The following IGF2BP1 variants were observed in gnomAD, a reference collection of about 807,000 sequenced individuals.
The protein encoded by IGF2BP1 is insulin-like growth factor 2 mRNA-binding protein 1.
IGF2BP1 carries 11 observed loss-of-function variants against 74.9 expected under a neutral mutation model. The observed-to-expected ratio is 0.15, with a 90% confidence interval of 0.09 to 0.24. The LOEUF is 0.24. Among genes scored for constraint, IGF2BP1 ranks in the 10% least tolerant of loss-of-function variants. IGF2BP1 has a pLI of 1.00. For synonymous variants in IGF2BP1, 287 were observed against 281.8 expected (o/e 1.02, Z -0.18); for missense variants, 440 against 757.4 (o/e 0.58, Z 4.92).
At chr17:49,013,040 G>A (rs2041640470) in intron 2 of IGF2BP1, 1 of 152,232 alleles carries the variant, frequency 6.6e-6, no homozygotes, top group African/African-American at 2.4e-5. Flanking sequence ...CAGAACGGAA[G>A]TAGCAATATT....
intron 10 of IGF2BP1, 44 bp downstream of exon 10, chr17:49,043,594 T>C: frequency 6.2e-7 from 1 of 1,606,902 alleles, no homozygotes; most frequent in Non-Finnish European, 8.5e-7. Flanking sequence ...GGCCCATATG[T>C]GGCCTCCCTT....
chr17:49,038,144 T>A, intron 5 of IGF2BP1, 24 bp from the exon 6 acceptor site: 1 of 1,470,950 alleles, frequency 6.8e-7, no homozygotes, highest in Non-Finnish European at 9.0e-7. Flanking sequence ...TGGAATGACC[T>A]GTAGACTCTC....
intron 2 of IGF2BP1, chr17:49,012,355 C>A (rs12939375): frequency 0.043 from 6,512 of 152,134 alleles, 162 homozygotes; most frequent in South Asian, 0.11. Context: ...TTAGAACTTA[C>A]GTGTCAGCCT....
Position 49,054,351 on chromosome 17 carries a change from A to C in IGF2BP1, c.*4907A>C, listed in dbSNP as rs1429697397. ...TTAACCGCAGGTGATGGATGCTACG[A>C]GTATAAATGGATTAACTACCTCAAT... On this transcript the variant is annotated 3_prime_UTR_variant, in exon 15 of 15. Transcript: ENST00000290341. 6.5e-6 allele frequency: 1 copy of C among 152,694 alleles called. No homozygotes were observed. The highest frequency in any genetic ancestry group is 2.4e-5 in the African/African-American group (1 of 41,468). 9.5% of individuals were successfully genotyped at this position (152,694 alleles called of 1,614,324 possible). A position where few individuals can be genotyped will look rare whatever the true frequency, so the allele number is the denominator to read the frequency against.
At chr17:49,022,838 C>A (rs2041809400) in intron 2 of IGF2BP1, among the ~76,000 whole-genome samples, 1 of 152,346 alleles carries the variant, frequency 6.6e-6, no homozygotes. Flanking sequence ...GAGCACACTT[C>A]AAACTGGGCC....
At chr17:49,005,060 A>AG (rs996424980) in intron 2 of IGF2BP1, among the ~76,000 whole-genome samples, 3 of 152,180 alleles carry the variant, frequency 2.0e-5, no homozygotes, top group Admixed American at 6.5e-5. Flanking sequence ...ACTGGATAGA[A>AG]GGGGGGTCAT....
rs778668553 is a variant in IGF2BP1, at chr17:49,053,301, G to A, written c.*3857G>A. The A allele has an allele frequency of 6.6e-6, 1 of 152,642 alleles. No individual in the cohort carries two copies. Among genetic ancestry groups the A allele is most frequent in the Non-Finnish European group, 1.5e-5 (1 of 68,072 alleles). 9.5% of individuals were successfully genotyped at this position (152,642 alleles called of 1,614,324 possible). Reference sequence around the variant, plus strand: ...TGCCAAAGACAGACAGACAGAGGCTGAGAGAGGCTGTTCCTGAATCAAAGC... The same window carrying A: ...TGCCAAAGACAGACAGACAGAGGCTAAGAGAGGCTGTTCCTGAATCAAAGC... On this transcript the variant is annotated 3_prime_UTR_variant, in exon 15 of 15. Transcript: ENST00000290341.
intron 5 of IGF2BP1, among the ~76,000 whole-genome samples, chr17:49,035,680 GA>G (rs2041978415): frequency 1.3e-5 from 2 of 152,190 alleles, no homozygotes; most frequent in Admixed American, 1.3e-4. Flanking sequence ...CTTGCCCTCC[GA>G]GGTCTCCCCT....
At chr17:49,040,599 A>AT (rs2042040392) in intron 7 of IGF2BP1, among the ~76,000 whole-genome samples, 1 of 152,234 alleles carries the variant, frequency 6.6e-6, no homozygotes, top group South Asian at 2.1e-4. Flanking sequence ...GCCTGCATGT[A>AT]CGGATATGTG....
rs2144166655 is a variant in IGF2BP1 at position 49,050,399 on chromosome 17, C to A, written c.*955C>A. ...GAGCACTGGGAAGGGGACGCTAACT[C>A]CCCTTGATAAAGTCTCGGTTCCATG... On this transcript the variant is annotated 3_prime_UTR_variant, in exon 15 of 15. Coordinates refer to ENST00000290341, the MANE Select transcript of IGF2BP1 (RefSeq NM_006546.4). 6.6e-6 allele frequency: 1 copy of A among 152,488 alleles called. No homozygotes were observed. The highest frequency in any genetic ancestry group is 1.9e-4 in the East Asian group (1 of 5,174). The allele number at this position is 152,488 out of a possible 1,614,324, so 9.4% of individuals were successfully genotyped here.
intron 5 of IGF2BP1, among the ~76,000 whole-genome samples, chr17:49,034,011 A>T (rs1488733200): frequency 6.6e-6 from 1 of 150,700 alleles, no homozygotes; most frequent in Non-Finnish European, 1.5e-5. Flanking sequence ...ATATTTAGAG[A>T]TGGGAGTCTC....
intron 4 of IGF2BP1, among the ~76,000 whole-genome samples, chr17:49,028,397 C>T (rs1236512307): frequency 1.3e-5 from 2 of 152,176 alleles, no homozygotes; most frequent in African/African-American, 4.8e-5. Flanking sequence ...GAGTAAACTG[C>T]TGAATCTATC....
chr17:49,038,093 G>C (rs2042009290), intron 5 of IGF2BP1, 75 bp from the exon 6 acceptor site: 1 of 1,304,298 alleles, frequency 7.7e-7, no homozygotes, highest in Admixed American at 3.0e-5. Context: ...ACTTACTAGA[G>C]TGCTTTGGCC....
chr17:49,010,538 G>C (rs1034366665), intron 2 of IGF2BP1, among the ~76,000 whole-genome samples: 12 of 151,950 alleles, frequency 7.9e-5, no homozygotes, highest in African/African-American at 2.9e-4. Context: ...GGATGGTCAC[G>C]ATCTCCTGAC....
intron 4 of IGF2BP1, among the ~76,000 whole-genome samples, chr17:49,027,980 C>G (rs900513751): frequency 2.6e-5 from 4 of 151,468 alleles, no homozygotes; most frequent in African/African-American, 9.7e-5. Context: ...TGAGACCAGC[C>G]TGGGAAACAG....
At chr17:49,021,788 G>A (rs973128267) in intron 2 of IGF2BP1, among the ~76,000 whole-genome samples, 1 of 152,208 alleles carries the variant, frequency 6.6e-6, no homozygotes, top group Non-Finnish European at 1.5e-5. Context: ...TATAGAAGGT[G>A]CCCAGAAGAT....
intron 2 of IGF2BP1, among the ~76,000 whole-genome samples, chr17:49,020,970 TAAA>T (rs33965742): frequency 1.7e-4 from 22 of 132,516 alleles, no homozygotes; most frequent in Admixed American, 2.3e-4. Context: ...CTCTACAAAT[TAAA>T]AAAAAAAAAA....
chr17:49,049,302 C>A, intron 14 of IGF2BP1, 50 bp from the exon 15 acceptor site: 2 of 1,519,186 alleles, frequency 1.3e-6, no homozygotes, highest in Non-Finnish European at 9.1e-7. Flanking sequence ...CCGTGGAAGG[C>A]TGTCTCCTTG....
At chr17:49,001,133 A>T (rs1023080163) in intron 2 of IGF2BP1, among the ~76,000 whole-genome samples, 7 of 152,278 alleles carry the variant, frequency 4.6e-5, no homozygotes, top group African/African-American at 1.7e-4. Context: ...TAAAAAAGAA[A>T]GTTTGTTTTC....
Sources: allele counts gnomAD v4.1 joint callset (sites outside exome capture counted in the v4.1 genomes callset), GRCh38; gene constraint gnomAD v4.1.1; transcripts MANE v1.5; gene names NCBI Gene and HGNC (gene_info 2026-07-23, HGNC 2026-07-21).